DPF3: variants seen among roughly 807,000 people sequenced by gnomAD.
DPF3 encodes the protein double PHD fingers 3, also known as zinc finger protein DPF3.
A neutral mutation model predicts 56.8 loss-of-function variants in DPF3; 18 were observed. The observed-to-expected ratio is 0.32, with a 90% CI of 0.22 to 0.47. The LOEUF (loss-of-function observed/expected upper bound fraction) is 0.47. Among genes scored for constraint, DPF3 ranks in the 20% least tolerant of loss-of-function variants. The pLI, the probability that DPF3 is intolerant of heterozygous loss-of-function variation, is 1.00. For missense variants in DPF3, 403 were observed against 488.8 expected (o/e 0.82, Z 1.65); for synonymous variants, 188 against 180.2 (o/e 1.04, Z -0.35).
chr14:72,629,858 A>C, intron 8 of DPF3, 122 bp from the exon 9 acceptor site: 1 of 787,894 alleles, frequency 1.3e-6, no homozygotes, highest in Non-Finnish European at 2.1e-6. Flanking sequence ...TGACGTAGGG[A>C]AAAAAATGGG....
chr14:72,850,856 C>CAT (rs1884956822), intron 1 of DPF3, among the ~76,000 whole-genome samples: 1 of 152,166 alleles, frequency 6.6e-6, no homozygotes, highest in Non-Finnish European at 1.5e-5. Flanking sequence ...TGAACTCGCT[C>CAT]ATGCATGTGC....
chr14:72,777,660 T>C (rs1248998439), intron 1 of DPF3, among the ~76,000 whole-genome samples: 1 of 152,166 alleles, frequency 6.6e-6, no homozygotes, highest in Non-Finnish European at 1.5e-5. Flanking sequence ...CCTCATGGCT[T>C]GGTGCTGTCT....
chr14:72,827,393 A>G (rs1171970808), intron 1 of DPF3, among the ~76,000 whole-genome samples: 2 of 151,400 alleles, frequency 1.3e-5, no homozygotes, highest in South Asian at 2.1e-4. Context: ...TACACCAACA[A>G]GGCATATCTT....
At chr14:72,660,504 A>C (rs1886174929) in intron 8 of DPF3, among the ~76,000 whole-genome samples, 1 of 152,210 alleles carries the variant, frequency 6.6e-6, no homozygotes, top group Non-Finnish European at 1.5e-5. Flanking sequence ...ATCTTCACAC[A>C]CAAGGAAAGC....
chr14:72,842,428 G>A (rs1010020794), intron 1 of DPF3, among the ~76,000 whole-genome samples: 8 of 152,190 alleles, frequency 5.3e-5, no homozygotes, highest in East Asian at 1.9e-4. Flanking sequence ...CACAGCCAAC[G>A]CTGGGTGAAT....
intron 1 of DPF3, among the ~76,000 whole-genome samples, chr14:72,825,481 T>C (rs1473052990): frequency 2.0e-5 from 3 of 152,272 alleles, no homozygotes; most frequent in Non-Finnish European, 4.4e-5. Flanking sequence ...AATTGTTTCA[T>C]CAACCAGCTA....
intron 9 of DPF3, among the ~76,000 whole-genome samples, chr14:72,622,975 G>A (rs190088457): frequency 8.7e-4 from 133 of 152,272 alleles, no homozygotes; most frequent in African/African-American, 3.0e-3. Context: ...GGTTGGATAA[G>A]TAAAAATTAT....
chr14:72,622,381 A>G (rs936669137), intron 9 of DPF3, among the ~76,000 whole-genome samples: 20 of 152,330 alleles, frequency 1.3e-4, no homozygotes, highest in Admixed American at 1.2e-3. Flanking sequence ...AAACAGTTAC[A>G]TCATTATTGC....
At chr14:72,816,931 G>T (rs1218092679) in intron 1 of DPF3, among the ~76,000 whole-genome samples, 1 of 152,094 alleles carries the variant, frequency 6.6e-6, no homozygotes, top group Non-Finnish European at 1.5e-5. Flanking sequence ...TCAAGAACAG[G>T]CAATTCTCTA....
intron 1 of DPF3, among the ~76,000 whole-genome samples, chr14:72,838,279 A>T (rs956660130): frequency 6.6e-6 from 1 of 152,104 alleles, no homozygotes; most frequent in African/African-American, 2.4e-5. Flanking sequence ...AGATCACTTG[A>T]GGTCAGGAGT....
chr14:72,719,059 C>A (rs1298475097), intron 5 of DPF3, among the ~76,000 whole-genome samples: 3 of 146,434 alleles, frequency 2.0e-5, no homozygotes, highest in Non-Finnish European at 4.5e-5. Flanking sequence ...TGTGAGCCAC[C>A]GTGCCAGGCC....
At chr14:72,811,911 G>A (rs537257029) in intron 1 of DPF3, among the ~76,000 whole-genome samples, 51 of 152,122 alleles carry the variant, frequency 3.4e-4, no homozygotes, top group Middle Eastern at 3.4e-3. Flanking sequence ...GCCCTGGAGC[G>A]GCAGAGAGGG....
intron 1 of DPF3, among the ~76,000 whole-genome samples, chr14:72,884,140 G>A (rs186362415): frequency 6.8e-4 from 104 of 152,188 alleles, no homozygotes; most frequent in African/African-American, 2.3e-3. Flanking sequence ...TCTACCAACC[G>A]CGCTTCTGCT....
intron 1 of DPF3, among the ~76,000 whole-genome samples, chr14:72,839,240 C>T (rs73304173): frequency 0.015 from 2,224 of 152,022 alleles, 53 homozygotes; most frequent in African/African-American, 0.051. Context: ...CTTTTAATGG[C>T]AAGCGGGAAC....
At chr14:72,625,819 C>A (rs1416310755) in intron 9 of DPF3, among the ~76,000 whole-genome samples, 2 of 152,164 alleles carry the variant, frequency 1.3e-5, no homozygotes, top group Non-Finnish European at 2.9e-5. Context: ...TTCAATCTAG[C>A]CTTCCCCCCT....
At chr14:72,870,783 AG>A (rs1175385312) in intron 1 of DPF3, among the ~76,000 whole-genome samples, 1 of 152,188 alleles carries the variant, frequency 6.6e-6, no homozygotes, top group Non-Finnish European at 1.5e-5. Context: ...ACCCATTAAA[AG>A]GGTAACGAGG....
intron 6 of DPF3, among the ~76,000 whole-genome samples, chr14:72,695,164 G>A (rs905470864): frequency 1.3e-5 from 2 of 152,154 alleles, no homozygotes; most frequent in African/African-American, 4.8e-5. Flanking sequence ...AATTGGACAA[G>A]CTGCAGCTCT....
chr14:72,834,554 C>T (rs1308011932), intron 1 of DPF3, among the ~76,000 whole-genome samples: 1 of 149,512 alleles, frequency 6.7e-6, no homozygotes, highest in African/African-American at 2.5e-5. Context: ...TGGCTAGAGT[C>T]ACAAAGAGGT....
intron 2 of DPF3, among the ~76,000 whole-genome samples, chr14:72,768,935 G>C (rs576974782): frequency 5.2e-5 from 1 of 19,080 alleles, no homozygotes; most frequent in East Asian, 1.9e-3. Context: ...GTGAGTGTCT[G>C]TGTGTGTGTG....
Sources: gnomAD v4.1 joint callset for allele counts (sites outside exome capture counted in the v4.1 genomes callset) on GRCh38, gnomAD v4.1.1 for gene constraint, MANE v1.5 for transcripts, NCBI Gene and HGNC (gene_info 2026-07-23, HGNC 2026-07-21) for gene names.